ARHGEF9: variants seen among roughly 807,000 people sequenced by gnomAD.
The protein encoded by ARHGEF9 is rho guanine nucleotide exchange factor 9.
In ARHGEF9, 2 loss-of-function variants were observed where a neutral mutation model predicts 41.3. That is an observed-to-expected ratio of 0.05 (90% confidence interval 0.02 to 0.15). The LOEUF (loss-of-function observed/expected upper bound fraction) is 0.15, where lower values mean the gene tolerates loss of function less well. Among genes scored for constraint, ARHGEF9 ranks in the 10% least tolerant of loss-of-function variants. ARHGEF9 has a pLI of 1.00. For missense variants in ARHGEF9, 225 were observed against 424.7 expected, an observed-to-expected ratio of 0.53 and a Z score of 4.13; for synonymous variants, 160 against 154.4, an observed-to-expected ratio of 1.04 and a Z score of -0.27.
intron 8 of ARHGEF9, among the ~76,000 whole-genome samples, chrX:63,648,981 G>A (rs1279196772): frequency 1.8e-5 from 2 of 111,194 alleles, no homozygotes; most frequent in Non-Finnish European, 3.8e-5. Context: ...AAGAGACTTA[G>A]ACTCCCACAC....
At chrX:63,743,710 G>T (rs1556429699) in intron 1 of ARHGEF9, among the ~76,000 whole-genome samples, 1 of 111,927 alleles carries the variant, frequency 8.9e-6, no homozygotes, top group Non-Finnish European at 1.9e-5. Flanking sequence ...TTTTTTAATT[G>T]CCATGTGCCT....
intron 1 of ARHGEF9, among the ~76,000 whole-genome samples, chrX:63,767,790 C>T (rs871109): frequency 0.24 from 26,309 of 111,423 alleles, 7,069 homozygotes; most frequent in African/African-American, 0.79. Flanking sequence ...GGCTGGGCAG[C>T]GTTCACTCCT....
intron 8 of ARHGEF9, 193 bp from the exon 9 acceptor site, chrX:63,644,241 G>T (rs1556309939): frequency 1.1e-5 from 4 of 356,813 alleles, no homozygotes; most frequent in African/African-American, 7.9e-5. Context: ...TCACAAACTT[G>T]AACAAAAACT....
intron 2 of ARHGEF9, among the ~76,000 whole-genome samples, chrX:63,707,942 A>G (rs1385315788): frequency 8.9e-6 from 1 of 111,900 alleles, no homozygotes; most frequent in Non-Finnish European, 1.9e-5. Flanking sequence ...GTTTTTATGT[A>G]TTTTGTATAT....
At chrX:63,784,989 G>T in intron 1 of ARHGEF9, 127 bp downstream of exon 1, 1 of 853,788 alleles carries the variant, frequency 1.2e-6, no homozygotes, top group Non-Finnish European at 1.7e-6. Context: ...GGTGTCTCAA[G>T]GACGGCGGCT....
At chrX:63,663,400 C>T (rs1556343884) in intron 7 of ARHGEF9, among the ~76,000 whole-genome samples, 1 of 111,352 alleles carries the variant, frequency 9.0e-6, no homozygotes, top group African/African-American at 3.3e-5. Context: ...TATTTAGCCA[C>T]TTCCTAGGGG....
chrX:63,718,616 C>T (rs2053463776), intron 2 of ARHGEF9, among the ~76,000 whole-genome samples: 1 of 111,954 alleles, frequency 8.9e-6, no homozygotes, highest in South Asian at 3.8e-4. Flanking sequence ...TGGAAAGCCC[C>T]AGAGCCAAGA....
chrX:63,638,756 G>C, intron 9 of ARHGEF9: 1 of 297,609 alleles, frequency 3.4e-6, no homozygotes, highest in Non-Finnish European at 5.9e-6. Flanking sequence ...AAGTGATTTA[G>C]TGTTCTGTCC....
intron 1 of ARHGEF9, among the ~76,000 whole-genome samples, chrX:63,771,851 G>A (rs1357564112): frequency 1.8e-5 from 2 of 111,521 alleles, no homozygotes; most frequent in Non-Finnish European, 3.8e-5. Context: ...ACAGTCATGA[G>A]TCACGATGCC....
chrX:63,707,428 A>G (rs1364552693), intron 2 of ARHGEF9: 1 of 107,750 alleles, frequency 9.3e-6, no homozygotes, highest in Non-Finnish European at 1.9e-5. Context: ...ATTCTAGATG[A>G]CTTTGACTGA....
intron 6 of ARHGEF9, among the ~76,000 whole-genome samples, chrX:63,669,644 C>T (rs1282873447): frequency 9.0e-6 from 1 of 111,144 alleles, no homozygotes; most frequent in African/African-American, 3.3e-5. Context: ...TCAGGGTCTT[C>T]GTGTTTGTTT....
intron 8 of ARHGEF9, among the ~76,000 whole-genome samples, chrX:63,650,691 T>C (rs2048486267): frequency 9.0e-6 from 1 of 111,148 alleles, no homozygotes; most frequent in Non-Finnish European, 1.9e-5. Context: ...TTTGAGGTGA[T>C]GAATATCGCA....
intron 1 of ARHGEF9, among the ~76,000 whole-genome samples, chrX:63,758,938 T>C (rs2055981991): frequency 8.9e-6 from 1 of 111,864 alleles, no homozygotes; most frequent in Non-Finnish European, 1.9e-5. Flanking sequence ...TAGCAGGTGC[T>C]TCATAACAAA....
At chrX:63,776,637 T>C (rs1444366518) in intron 1 of ARHGEF9, among the ~76,000 whole-genome samples, 1 of 111,737 alleles carries the variant, frequency 8.9e-6, no homozygotes, top group Non-Finnish European at 1.9e-5. Context: ...ACTTGGACAT[T>C]ATAGCTCAGG....
At chrX:63,765,477 A>G (rs1556451399) in intron 1 of ARHGEF9, among the ~76,000 whole-genome samples, 1 of 110,634 alleles carries the variant, frequency 9.0e-6, no homozygotes, top group East Asian at 2.8e-4. Context: ...TTACAATCTT[A>G]TTTTATGACA....
intron 3 of ARHGEF9, among the ~76,000 whole-genome samples, chrX:63,704,397 C>A (rs138558139): frequency 3.7e-4 from 41 of 111,660 alleles, no homozygotes; most frequent in Admixed American, 3.5e-3. Flanking sequence ...CTCTAAAGTA[C>A]GACACTTTGA....
At chrX:63,695,378 C>CT (rs2051668630) in intron 4 of ARHGEF9, among the ~76,000 whole-genome samples, 1 of 111,965 alleles carries the variant, frequency 8.9e-6, no homozygotes, top group Admixed American at 9.5e-5. Flanking sequence ...ACTTATATAT[C>CT]TCCCTGGTGA....
At position 63,635,520 on chromosome X, in the gene ARHGEF9, G is replaced by C; in HGVS notation, c.*2508C>G. The stretch of plus-strand genomic sequence containing the variant: ...AGGTATTTAATTGGGCTCCCCTTGG[G>C]GCTGTTGGCCACTGGTCTGCTTTGA... On this transcript the variant is annotated 3_prime_UTR_variant, in exon 10 of 10. Transcript: ENST00000671741. 4.1e-6 allele frequency: 2 copies of C among 487,833 alleles called. No individual in the cohort carries two copies. Among genetic ancestry groups the C allele is most frequent in the Non-Finnish European group, 7.3e-6 (2 of 273,670 alleles). The allele number at this position is 487,833 out of a possible 1,213,427, so 40.2% of individuals were successfully genotyped here.
chrX:63,699,521 A>G (rs111609947), intron 3 of ARHGEF9, among the ~76,000 whole-genome samples: 4,725 of 111,830 alleles, frequency 0.042, 164 homozygotes, highest in African/African-American at 0.11. Context: ...TAAGAGAGTG[A>G]TCTTAGGAAA....
Sources: gnomAD v4.1 joint callset for allele counts (sites outside exome capture counted in the v4.1 genomes callset) on GRCh38, gnomAD v4.1.1 for gene constraint, MANE v1.5 for transcripts, NCBI Gene and HGNC (gene_info 2026-07-23, HGNC 2026-07-21) for gene names.